The following OSBP2 variants were observed in gnomAD, a reference collection of about 807,000 sequenced individuals.
The protein encoded by OSBP2 is oxysterol binding protein 2, also known as oxysterol-binding protein 2.
OSBP2 carries 66 observed loss-of-function variants against 96.0 expected under a neutral mutation model. The observed-to-expected ratio is 0.69, with a 90% CI of 0.56 to 0.84. The LOEUF is 0.84. OSBP2 is among the 40% of genes least tolerant of loss of function. OSBP2 has a pLI of 0.00. For synonymous variants in OSBP2, 525 were observed against 520.9 expected, an observed-to-expected ratio of 1.01 and a Z score of -0.11; for missense variants, 1,038 against 1,222.7, an observed-to-expected ratio of 0.85 and a Z score of 2.25.
intron 2 of OSBP2, among the ~76,000 whole-genome samples, chr22:30,777,423 T>C (rs1363140692): frequency 6.6e-6 from 1 of 152,202 alleles, no homozygotes. Context: ...TTATCTTCTC[T>C]TGTCTGCTGC....
intron 1 of OSBP2, among the ~76,000 whole-genome samples, chr22:30,719,787 C>T (rs1200332945): frequency 6.6e-6 from 1 of 150,578 alleles, no homozygotes; most frequent in African/African-American, 2.4e-5. Context: ...AGTCACTGAG[C>T]CAGAGCCAGG....
At chr22:30,893,285 T>G (rs1253934341) in intron 9 of OSBP2, 43 bp downstream of exon 9, 1 of 1,613,146 alleles carries the variant, frequency 6.2e-7, no homozygotes, top group Non-Finnish European at 8.5e-7. Context: ...AGAGACATTG[T>G]GCATAAGAGG....
intron 2 of OSBP2, among the ~76,000 whole-genome samples, chr22:30,802,844 G>T (rs1188693830): frequency 3.9e-5 from 6 of 152,214 alleles, no homozygotes; most frequent in African/African-American, 1.4e-4. Flanking sequence ...GCGCGCCCTT[G>T]CAGCGCTCAG....
intron 2 of OSBP2, among the ~76,000 whole-genome samples, chr22:30,760,375 A>G (rs1047164535): frequency 6.6e-6 from 1 of 152,214 alleles, no homozygotes; most frequent in Non-Finnish European, 1.5e-5. Flanking sequence ...AATATTTCTC[A>G]TGAGCATAGA....
chr22:30,776,510 G>C (rs1421271656), intron 2 of OSBP2, among the ~76,000 whole-genome samples: 1 of 151,988 alleles, frequency 6.6e-6, no homozygotes, highest in African/African-American at 2.4e-5. Context: ...ATGTTTGCCA[G>C]TTCATTCAGT....
At chr22:30,806,575 G>A (rs1301852465) in intron 2 of OSBP2, among the ~76,000 whole-genome samples, 1 of 152,192 alleles carries the variant, frequency 6.6e-6, no homozygotes, top group Non-Finnish European at 1.5e-5. Context: ...TGAAGAGCTT[G>A]AGGCCCAGAG....
chr22:30,889,246 G>T lies in OSBP2; in HGVS notation c.1476+12G>T. ...GCTCAGCAGACAATGTAAGTGAGGG[G>T]GAGCACTGTAAGGGCCAGAAGGCAG... is the stretch of plus-strand genomic sequence containing the variant. On this transcript the variant is annotated intron_variant, in intron 6 of 13. Coordinates refer to ENST00000332585, the MANE Select transcript of OSBP2 (RefSeq NM_030758.4). 7 of 1,612,100 alleles carry T rather than the reference G, an allele frequency of 4.3e-6. No homozygotes were observed. The highest frequency in any genetic ancestry group is 5.9e-6 in the Non-Finnish European group (7 of 1,179,256).
intron 2 of OSBP2, among the ~76,000 whole-genome samples, chr22:30,793,249 G>C (rs136293): frequency 6.6e-6 from 1 of 151,848 alleles, no homozygotes; most frequent in Non-Finnish European, 1.5e-5. Context: ...AACTAGCCAG[G>C]TGTGGTGGCA....
chr22:30,884,243 C>T (rs1224482289), intron 3 of OSBP2, among the ~76,000 whole-genome samples: 4 of 152,224 alleles, frequency 2.6e-5, no homozygotes, highest in Non-Finnish European at 5.9e-5. Flanking sequence ...CCCCCTGCCT[C>T]AACCTGCAGG....
At chr22:30,823,301 T>C (rs1319681429) in intron 2 of OSBP2, among the ~76,000 whole-genome samples, 1 of 152,262 alleles carries the variant, frequency 6.6e-6, no homozygotes, top group Non-Finnish European at 1.5e-5. Context: ...CTGTCTTAAA[T>C]GGAAGACTTG....
chr22:30,782,578 G>T (rs2090532161), intron 2 of OSBP2, among the ~76,000 whole-genome samples: 1 of 152,180 alleles, frequency 6.6e-6, no homozygotes, highest in Admixed American at 6.5e-5. Context: ...AAATCCATCT[G>T]TGTTGTTGCC....
chr22:30,736,469 A>G (rs908232553), intron 1 of OSBP2, among the ~76,000 whole-genome samples: 1 of 152,166 alleles, frequency 6.6e-6, no homozygotes, highest in African/African-American at 2.4e-5. Flanking sequence ...CATTGGGAAT[A>G]TCTCCCATCC....
chr22:30,884,361 A>T (rs912271612), intron 3 of OSBP2, among the ~76,000 whole-genome samples: 2 of 152,152 alleles, frequency 1.3e-5, no homozygotes, highest in African/African-American at 2.4e-5. Context: ...TCTGTCGGGC[A>T]TCACCGTCTG....
chr22:30,901,878 GAACA>G (rs1365290286), intron 12 of OSBP2, among the ~76,000 whole-genome samples: 1 of 151,910 alleles, frequency 6.6e-6, no homozygotes, highest in Non-Finnish European at 1.5e-5. Flanking sequence ...AAAAAAAGAT[GAACA>G]ATCACATAGT....
rs1226356541 is a variant in OSBP2 at position 30,871,160 on chromosome 22, C to A, written c.1107+478C>A. On this transcript the variant is annotated intron_variant, in intron 3 of 13. Transcript: ENST00000332585. This position sits in a 1 kb window ranked among gnomAD's most constrained non-coding sequence, Gnocchi z 4.7. Reference sequence around the variant, plus strand: ...GGGCTGCAGTCGAGGGCTCCCTGAGCTAGAAGGGCCTCAGAGCTGAGCCTG... The same window carrying A: ...GGGCTGCAGTCGAGGGCTCCCTGAGATAGAAGGGCCTCAGAGCTGAGCCTG... Among the ~76,000 whole-genome samples the A allele has an allele frequency of 6.6e-6, 1 of 152,078 alleles. No homozygotes were observed. Among genetic ancestry groups the A allele is most frequent in the East Asian group, 1.9e-4 (1 of 5,184 alleles).
chr22:30,882,527 C>T (rs1239401074), intron 3 of OSBP2, among the ~76,000 whole-genome samples: 1 of 148,892 alleles, frequency 6.7e-6, no homozygotes, highest in Non-Finnish European at 1.5e-5. Context: ...AAAAAATCTA[C>T]CTCAGTGCTT....
chr22:30,898,162 G>A (rs1169528097), intron 12 of OSBP2, among the ~76,000 whole-genome samples: 1 of 152,006 alleles, frequency 6.6e-6, no homozygotes, highest in East Asian at 1.9e-4. Flanking sequence ...GCAACATAGT[G>A]AGACCTCATC....
chr22:30,713,616 A>C (rs2089397015), intron 1 of OSBP2, among the ~76,000 whole-genome samples: 1 of 152,046 alleles, frequency 6.6e-6, no homozygotes, highest in African/African-American at 2.4e-5. Flanking sequence ...GCACACCACT[A>C]TGCTTGGCTA....
intron 2 of OSBP2, among the ~76,000 whole-genome samples, chr22:30,864,880 A>G (rs12158507): frequency 5.9e-5 from 9 of 152,088 alleles, no homozygotes; most frequent in African/African-American, 2.2e-4. Flanking sequence ...GCTCACGGGC[A>G]GTGAGGGCAA....
Sources: gnomAD v4.1 joint callset for allele counts (sites outside exome capture counted in the v4.1 genomes callset) on GRCh38, gnomAD v4.1.1 for gene constraint, Gnocchi (gnomAD v3.1) non-coding constraint, MANE v1.5 for transcripts, NCBI Gene and HGNC (gene_info 2026-07-23, HGNC 2026-07-21) for gene names.